Variants in LSM14A observed in about 807,000 individuals in gnomAD.
The protein encoded by LSM14A is protein LSM14 homolog A.
Under a neutral mutation model 52.4 loss-of-function variants are expected in LSM14A, and 14 were observed. That is an observed-to-expected ratio of 0.27 (90% CI 0.18 to 0.42). The LOEUF (loss-of-function observed/expected upper bound fraction) is 0.42, where lower values mean the gene tolerates loss of function less well. Among genes scored for constraint, LSM14A ranks in the 10% least tolerant of loss-of-function variants. The pLI is 1.00. For synonymous variants in LSM14A, 185 were observed against 200.3 expected (o/e 0.92, Z 0.64); for missense variants, 417 against 581.8 (o/e 0.72, Z 2.91).
rs2072491015 is a variant in LSM14A at position 34,215,259 on chromosome 19, C to A, written c.674C>A (p.Ser225Tyr). ...RSPVSTRPLPSASQKAGENQE... is the reference protein window; with the variant it reads ...RSPVSTRPLPYASQKAGENQE... The stretch of plus-strand genomic sequence containing the variant: ...CCTGTATCAACCAGGCCTTTGCCAT[C>A]TGCCAGCCAAAAGGCAGGAGAGAAT... The change falls in exon 5 of 10, where the codon TCT becomes TAT. Residue 225 changes from serine (S) to tyrosine (Y), a missense_variant. Physicochemically the swap from Ser to Tyr is moderately radical, Grantham distance 144. Coordinates refer to ENST00000544216, the MANE Select transcript of LSM14A (RefSeq NM_015578.4). 6.2e-7 allele frequency: 1 copy of A among 1,613,760 alleles called. No homozygotes were observed.
intron 4 of LSM14A, among the ~76,000 whole-genome samples, chr19:34,214,535 C>T (rs2072431282): frequency 6.6e-6 from 1 of 152,136 alleles, no homozygotes; most frequent in Non-Finnish European, 1.5e-5. Flanking sequence ...TCTTGAAATC[C>T]TGGGCTCAAG....
intron 6 of LSM14A, among the ~76,000 whole-genome samples, chr19:34,217,544 T>G (rs1190581852): frequency 2.7e-5 from 4 of 149,130 alleles, no homozygotes; most frequent in African/African-American, 9.8e-5. Flanking sequence ...GAAATCTAGA[T>G]ATGATATTTT....
At chr19:34,182,986 C>A (rs1215582994) in intron 1 of LSM14A, among the ~76,000 whole-genome samples, 2 of 152,092 alleles carry the variant, frequency 1.3e-5, no homozygotes, top group East Asian at 3.9e-4. Context: ...GCTCCCCAGC[C>A]TTGTTATTGT....
At chr19:34,178,774 C>T (rs1353145757) in intron 1 of LSM14A, among the ~76,000 whole-genome samples, 3 of 152,136 alleles carry the variant, frequency 2.0e-5, no homozygotes, top group African/African-American at 7.2e-5. Flanking sequence ...ATTATCCTGC[C>T]TCACATTAAG....
At chr19:34,213,631 C>T (rs182890069) in intron 4 of LSM14A, among the ~76,000 whole-genome samples, 6 of 152,180 alleles carry the variant, frequency 3.9e-5, no homozygotes, top group Admixed American at 1.3e-4. Context: ...ATGTGAGTGC[C>T]TAAGCAGAGA....
At chr19:34,199,844 G>T (rs2071161184) in intron 3 of LSM14A, among the ~76,000 whole-genome samples, 1 of 152,200 alleles carries the variant, frequency 6.6e-6, no homozygotes, top group Non-Finnish European at 1.5e-5. Flanking sequence ...TCTAATCTCA[G>T]TATAATAATT....
At chr19:34,181,363 AC>A (rs1052247917) in intron 1 of LSM14A, among the ~76,000 whole-genome samples, 1 of 151,976 alleles carries the variant, frequency 6.6e-6, no homozygotes, top group African/African-American at 2.4e-5. Flanking sequence ...TTATAGCGAA[AC>A]CCCTTGAAGA....
chr19:34,193,350 A>G (rs1383342228), intron 1 of LSM14A, among the ~76,000 whole-genome samples: 1 of 152,084 alleles, frequency 6.6e-6, no homozygotes, highest in Admixed American at 6.5e-5. Context: ...TTGTAGAGAC[A>G]GAACATCACT....
At chr19:34,184,947 A>G (rs2145555281) in intron 1 of LSM14A, among the ~76,000 whole-genome samples, 1 of 152,324 alleles carries the variant, frequency 6.6e-6, no homozygotes, top group African/African-American at 2.4e-5. Flanking sequence ...GGAAGATGTT[A>G]AGGCTATCTG....
At chr19:34,184,687 T>C (rs763230942) in intron 1 of LSM14A, among the ~76,000 whole-genome samples, 2 of 152,260 alleles carry the variant, frequency 1.3e-5, no homozygotes, top group Non-Finnish European at 2.9e-5. Flanking sequence ...TTTTCACTTT[T>C]CTCCCTTTGT....
chr19:34,189,841 A>C (rs1170775324), intron 1 of LSM14A, among the ~76,000 whole-genome samples: 1 of 152,172 alleles, frequency 6.6e-6, no homozygotes, highest in African/African-American at 2.4e-5. Context: ...GATAAGTTAA[A>C]ATTTTTAAAC....
intron 9 of LSM14A, among the ~76,000 whole-genome samples, chr19:34,223,553 A>G (rs868223956): frequency 3.9e-5 from 6 of 152,172 alleles, no homozygotes; most frequent in Admixed American, 2.0e-4. Flanking sequence ...GGCTCATGGT[A>G]TACTGCCCAG....
intron 4 of LSM14A, among the ~76,000 whole-genome samples, chr19:34,211,709 A>G (rs1331852419): frequency 1.3e-5 from 2 of 151,954 alleles, no homozygotes; most frequent in African/African-American, 4.8e-5. Flanking sequence ...GGATCACTTG[A>G]GCCCAGGAGG....
chr19:34,205,767 A>G (rs2071651941), intron 3 of LSM14A, among the ~76,000 whole-genome samples: 1 of 152,136 alleles, frequency 6.6e-6, no homozygotes, highest in African/African-American at 2.4e-5. Flanking sequence ...GGGGAAGAAA[A>G]TAAAAAGATA....
At chr19:34,205,411 G>A (rs1409475167) in intron 3 of LSM14A, among the ~76,000 whole-genome samples, 4 of 144,938 alleles carry the variant, frequency 2.8e-5, no homozygotes, top group Non-Finnish European at 4.5e-5. Context: ...GCTTGAACCC[G>A]GGAGGCGGAG....
At chr19:34,197,524 C>T (rs1051228530) in intron 3 of LSM14A, among the ~76,000 whole-genome samples, 2 of 145,858 alleles carry the variant, frequency 1.4e-5, no homozygotes, top group East Asian at 2.0e-4. Context: ...CTGCAACCTC[C>T]ACCTCCCAGG....
intron 4 of LSM14A, among the ~76,000 whole-genome samples, chr19:34,211,292 C>T (rs905394483): frequency 4.7e-5 from 7 of 149,606 alleles, no homozygotes; most frequent in African/African-American, 1.5e-4. Context: ...AGCGAGACTC[C>T]ATCTTAAAAA....
At chr19:34,183,167 C>T (rs1259242298) in intron 1 of LSM14A, among the ~76,000 whole-genome samples, 1 of 152,256 alleles carries the variant, frequency 6.6e-6, no homozygotes, top group African/African-American at 2.4e-5. Flanking sequence ...TAAATTTAAA[C>T]CATTGGGTAA....
intron 1 of LSM14A, among the ~76,000 whole-genome samples, chr19:34,193,170 A>G (rs969904040): frequency 1.3e-4 from 20 of 152,218 alleles, no homozygotes; most frequent in African/African-American, 4.8e-4. Context: ...TATTTTATTT[A>G]CTTATTTTGA....
Sources: gnomAD v4.1 joint callset for allele counts (sites outside exome capture counted in the v4.1 genomes callset) on GRCh38, gnomAD v4.1.1 for gene constraint, MANE v1.5 for transcripts, NCBI Gene and HGNC (gene_info 2026-07-23, HGNC 2026-07-21) for gene names.